Variants in KMT2E observed in about 807,000 individuals in gnomAD.
The protein encoded by KMT2E is histone reader KMT2E.
KMT2E carries 30 observed loss-of-function variants against 184.6 expected under a neutral mutation model. That is an observed-to-expected ratio of 0.16 (90% CI 0.12 to 0.22). The LOEUF (loss-of-function observed/expected upper bound fraction) is 0.22, where lower values mean the gene tolerates loss of function less well. KMT2E is among the 10% of genes least tolerant of loss of function. KMT2E has a pLI of 1.00. For missense variants in KMT2E, 2,023 were observed against 2,237.4 expected (o/e 0.90, Z 1.93); for synonymous variants, 815 against 776.5 (o/e 1.05, Z -0.82).
intron 6 of KMT2E, among the ~76,000 whole-genome samples, chr7:105,071,606 ATAT>A (rs1353209485): frequency 5.1e-5 from 3 of 58,698 alleles, no homozygotes; most frequent in Admixed American, 2.3e-4. Flanking sequence ...ATATATATAT[ATAT>A]TTTTTTTTTT....
chr7:105,031,899 G>C (rs1333598365), intron 1 of KMT2E, among the ~76,000 whole-genome samples: 1 of 149,988 alleles, frequency 6.7e-6, no homozygotes, highest in African/African-American at 2.5e-5. Context: ...ATAAAACTCT[G>C]TCTCTACTGA....
intron 2 of KMT2E, 108 bp from the exon 3 acceptor site, chr7:105,040,731 C>T (rs1449823517): frequency 2.9e-6 from 1 of 350,042 alleles, no homozygotes; most frequent in Non-Finnish European, 5.1e-6. Context: ...AGACTCTAAG[C>T]AAATTTCAAT....
Position 105,063,429 on chromosome 7 carries a change from G to A in KMT2E, c.265G>A (p.Val89Ile). ...PPSVLISKNE[V>I]GIFTTPNFDE... ...ATCAGTCCTTATTAGCAAAAATGAAGTAGGCATATTTACCACTCCTAATTT... is the reference window on the plus strand; with the variant it reads ...ATCAGTCCTTATTAGCAAAAATGAAATAGGCATATTTACCACTCCTAATTT... The change falls in exon 5 of 27, where the codon GTA becomes ATA. Residue 89 changes from valine (V) to isoleucine (I), a missense_variant. By Grantham distance (29) the Val-to-Ile change is conservative. Coordinates refer to ENST00000311117, the MANE Select transcript of KMT2E (RefSeq NM_182931.3). 3 of 1,613,858 alleles carry A rather than the reference G, an allele frequency of 1.9e-6. No individual in the cohort carries two copies. Among genetic ancestry groups the A allele is most frequent in the Non-Finnish European group, 2.5e-6 (3 of 1,179,886 alleles).
Position 105,113,316 on chromosome 7 carries a change from G to C in KMT2E, c.5560G>C (p.Gly1854Arg). 1 of 1,606,438 alleles carries C rather than the reference G, an allele frequency of 6.2e-7. No individual in the cohort carries two copies. Among genetic ancestry groups the C allele is most frequent in the Non-Finnish European group, 8.5e-7 (1 of 1,174,238 alleles). The change falls in exon 27 of 27, where the codon GGG (glycine) becomes CGG (arginine). Residue 1854 changes from glycine to arginine, a missense_variant. By Grantham distance (125) the Gly-to-Arg change is moderately radical (BLOSUM62 -2). Transcript: ENST00000311117. The stretch of plus-strand genomic sequence containing the variant: ...ACCAACATTTCAAAACAATTACCAT[G>C]GGTCAGGGTGGCATTAAAATGGACT... ...VPPTFQNNYH[G>R]SGWH
chr7:105,045,626 A>C (rs1389876449), intron 3 of KMT2E, among the ~76,000 whole-genome samples: 1 of 152,204 alleles, frequency 6.6e-6, no homozygotes, highest in East Asian at 1.9e-4. Flanking sequence ...CCAGAATTCC[A>C]TTCCTTTTTA....
At chr7:105,056,746 A>G (rs4730068) in intron 3 of KMT2E, among the ~76,000 whole-genome samples, 42,100 of 152,126 alleles carry the variant, frequency 0.28, 8,665 homozygotes, top group East Asian at 0.64. Flanking sequence ...GTACTTGAGA[A>G]CAAATTCTGA....
chr7:105,017,580 T>C (rs1794772491), intron 1 of KMT2E, among the ~76,000 whole-genome samples: 1 of 152,066 alleles, frequency 6.6e-6, no homozygotes, highest in African/African-American at 2.4e-5. Context: ...TGTTTTAAGT[T>C]AGGATTGTCT....
chr7:105,043,550 C>T (rs1354770474), intron 3 of KMT2E, among the ~76,000 whole-genome samples: 1 of 152,126 alleles, frequency 6.6e-6, no homozygotes, highest in Non-Finnish European at 1.5e-5. Context: ...ACTTAAATTT[C>T]TGCATTAATA....
Position 105,105,585 on chromosome 7 carries a change from C to T in KMT2E, c.2343C>T (p.Pro781=), listed in dbSNP as rs762298062. The change falls in exon 18 of 27, where the codon CCC becomes CCT. Residue 781 remains proline (P), a synonymous_variant. Coordinates refer to ENST00000311117, the MANE Select transcript of KMT2E (RefSeq NM_182931.3). The stretch of plus-strand genomic sequence containing the variant: ...CTTTACCAGGTCTCACTTACAGCCC[C>T]CATGTATACTCCACTCCTAAGCATT... ...LNSLPGLTYS[P]HVYSTPKHYI... is the part of the protein sequence containing the mutation. The T allele has an allele frequency of 1.2e-6, 2 of 1,613,888 alleles. No individual in the cohort carries two copies. Among genetic ancestry groups the T allele is most frequent in the African/African-American group, 1.3e-5 (1 of 75,034 alleles).
At chr7:105,101,737 TAA>T (rs1798663102) in intron 16 of KMT2E, 147 bp from the exon 17 acceptor site, 1 of 938,888 alleles carries the variant, frequency 1.1e-6, no homozygotes, top group Non-Finnish European at 1.5e-6. Context: ...CAGCTTGAGA[TAA>T]AAGACTATAT....
At chr7:105,077,538 T>A (rs1797582416) in intron 11 of KMT2E, 105 bp downstream of exon 11, 2 of 836,240 alleles carry the variant, frequency 2.4e-6, no homozygotes, top group South Asian at 1.7e-5. Context: ...TCCTACATGA[T>A]CATTTCAGTA....
At chr7:105,057,725 C>A (rs80094784) in intron 3 of KMT2E, among the ~76,000 whole-genome samples, 1 of 152,032 alleles carries the variant, frequency 6.6e-6, no homozygotes. Context: ...GTGCTGTGAT[C>A]GTAAGCGTGA....
intron 7 of KMT2E, 126 bp from the exon 8 acceptor site, chr7:105,074,517 A>G: frequency 1.6e-6 from 1 of 619,092 alleles, no homozygotes; most frequent in South Asian, 3.3e-5. Context: ...AGGTGAGTGA[A>G]CAAGTTAAAA....
Position 105,022,994 on chromosome 7 carries a change from A to G in KMT2E, c.-189+8459A>G, listed in dbSNP as rs1584687974. On this transcript the variant is annotated intron_variant, in intron 1 of 26. Transcript: ENST00000311117. Reference sequence around the variant, plus strand: ...TATTCCTGTACAGTTTTCCACCGAAATGGGATTTAAATAGTTTCCTGGATG... The same window carrying G: ...TATTCCTGTACAGTTTTCCACCGAAGTGGGATTTAAATAGTTTCCTGGATG... Among the ~76,000 whole-genome samples, 4 of 152,326 alleles carry G rather than the reference A, an allele frequency of 2.6e-5. No homozygotes were observed. In the South Asian group the frequency reaches 6.2e-4, roughly 24 times the overall value.
chr7:105,052,427 T>A (rs1273703146), intron 3 of KMT2E, among the ~76,000 whole-genome samples: 1 of 152,254 alleles, frequency 6.6e-6, no homozygotes, highest in Non-Finnish European at 1.5e-5. Context: ...ACATAAGCTT[T>A]ATGACTATAA....
chr7:105,091,573 G>T (rs1584784932), intron 15 of KMT2E: 1 of 560,476 alleles, frequency 1.8e-6, no homozygotes, highest in South Asian at 2.5e-5. Flanking sequence ...TTTTAATAAT[G>T]CCACACTGAA....
chr7:105,071,608 ATTTTT>A (rs869055986), intron 6 of KMT2E, among the ~76,000 whole-genome samples: 63 of 31,688 alleles, frequency 2.0e-3, no homozygotes, highest in African/African-American at 7.3e-3. Flanking sequence ...ATATATATAT[ATTTTT>A]TTTTTTTTTT....
rs764734350 is a variant in KMT2E, at chr7:105,112,825, A to G, written c.5069A>G (p.His1690Arg). ...CCCCCTCCTGGTCCTGCCCCTCATC[A>G]CCATCCACCACCCCATCCATCCACA... ...PPPPPGPAPH[H>R]HPPPHPSTGL... is the part of the protein sequence containing the mutation. The change falls in exon 27 of 27, where the codon CAC (histidine) becomes CGC (arginine). Residue 1690 changes from histidine to arginine, a missense_variant. Physicochemically the swap from His to Arg is conservative, Grantham distance 29. Around this residue, in one of 8 missense-constraint regions of KMT2E, gnomAD observed 1,108 missense variants for 1,050.9 expected, o/e 1.05. Transcript: ENST00000311117. The G allele has an allele frequency of 1.5e-6, 2 of 1,299,466 alleles. No individual in the cohort carries two copies. Among genetic ancestry groups the G allele is most frequent in the African/African-American group, 2.4e-5 (1 of 42,506 alleles). The allele number at this position is 1,299,466 out of a possible 1,614,324, so 80.5% of individuals were successfully genotyped here. A position where few individuals can be genotyped will look rare whatever the true frequency, so the allele number is the denominator to read the frequency against.
At chr7:105,022,339 T>C (rs1189327665) in intron 1 of KMT2E, among the ~76,000 whole-genome samples, 2 of 152,288 alleles carry the variant, frequency 1.3e-5, no homozygotes. Context: ...TCTTTGTCTT[T>C]CATGACATTG....
Sources: gnomAD v4.1 joint callset for allele counts (sites outside exome capture counted in the v4.1 genomes callset) on GRCh38, gnomAD v4.1.1 for gene constraint, gnomAD v4.1.1 regional missense constraint, MANE v1.5 for transcripts, NCBI Gene and HGNC (gene_info 2026-07-23, HGNC 2026-07-21) for gene names.